Variants in PTPRJ observed in about 807,000 individuals in gnomAD.
The protein encoded by PTPRJ is protein tyrosine phosphatase receptor type J.
PTPRJ carries 129 observed loss-of-function variants against 141.3 expected under a neutral mutation model. The ratio of observed to expected loss-of-function variants is 0.91; its 90% CI spans 0.79 to 1.06. The LOEUF (loss-of-function observed/expected upper bound fraction) is 1.06, where lower values mean the gene tolerates loss of function less well. Among genes scored for constraint, PTPRJ ranks in the 50% least tolerant of loss-of-function variants. The pLI is 0.00. For synonymous variants in PTPRJ, 610 were observed against 640.5 expected (o/e 0.95, Z 0.72); for missense variants, 1,601 against 1,679.7 (o/e 0.95, Z 0.82).
intron 1 of PTPRJ, among the ~76,000 whole-genome samples, chr11:48,013,380 A>G (rs1854861777): frequency 6.6e-6 from 1 of 152,192 alleles, no homozygotes; most frequent in Non-Finnish European, 1.5e-5. Context: ...ATCAGAACCC[A>G]GTTCCTGCAG....
At chr11:48,020,039 C>T (rs1393450738) in intron 1 of PTPRJ, among the ~76,000 whole-genome samples, 1 of 152,190 alleles carries the variant, frequency 6.6e-6, no homozygotes, top group Non-Finnish European at 1.5e-5. Context: ...TCTGAGATCC[C>T]TGTTTCTATG....
Position 48,006,075 on chromosome 11 carries a change from G to C in PTPRJ, c.96+25067G>C, listed in dbSNP as rs193008914. On this transcript the variant is annotated intron_variant, in intron 1 of 24. Coordinates refer to ENST00000418331, the MANE Select transcript of PTPRJ (RefSeq NM_002843.4). ...CCTGGTTGGGCAAGGCTGAGTGGTT[G>C]TGGGATAAGAGGAGATGTTTCAGAG... Among the ~76,000 whole-genome samples the C allele has an allele frequency of 7.9e-4, 121 of 152,336 alleles. No individual in the cohort carries two copies. In the East Asian group the frequency reaches 0.022, roughly 27 times the overall value.
In PTPRJ at chr11:48,004,947, C is replaced by T. The variant is rs1024084251; in HGVS notation, c.96+23939C>T. On this transcript the variant is annotated intron_variant, in intron 1 of 24. Transcript: ENST00000418331. The stretch of plus-strand genomic sequence containing the variant: ...AGAAAGTATACAGTTCAAAGCTGGG[C>T]GCAGTGGCTCATGCCTGTAATCTCA... 5.3e-5 allele frequency among the ~76,000 whole-genome samples: 8 copies of T among 152,130 alleles called. No individual in the cohort carries two copies. The South Asian group carries it at 8.3e-4, about 16-fold the overall frequency.
chr11:48,106,763 C>CTTTTTTTTTTTTTTTTTTTTTTTT (rs35643138), intron 1 of PTPRJ, among the ~76,000 whole-genome samples: 3 of 86,444 alleles, frequency 3.5e-5, no homozygotes, highest in Non-Finnish European at 4.6e-5. Context: ...TTCTTTCTTT[C>CTTTTTTTTTTTTTTTTTTTTTTTT]TTTTTTTTTT....
chr11:47,982,894 T>C (rs1014761993), intron 1 of PTPRJ, among the ~76,000 whole-genome samples: 2 of 151,694 alleles, frequency 1.3e-5, no homozygotes, highest in African/African-American at 2.4e-5. Context: ...GACTCTCTTA[T>C]TTCTTTTTTT....
intron 1 of PTPRJ, among the ~76,000 whole-genome samples, chr11:47,997,854 C>T (rs997642096): frequency 2.4e-5 from 3 of 124,186 alleles, no homozygotes; most frequent in African/African-American, 1.6e-4. Context: ...GTTTAGAGGC[C>T]TCAGGGTGTA....
intron 1 of PTPRJ, among the ~76,000 whole-genome samples, chr11:48,057,937 A>C (rs1394758179): frequency 1.3e-5 from 2 of 151,242 alleles, no homozygotes; most frequent in African/African-American, 4.9e-5. Context: ...TTTGAGACCA[A>C]GTCTTGCTCT....
In PTPRJ at chr11:47,988,879, G is replaced by GTTTTTTTTTTTTTTTTTTTTTTTTT. The variant is rs869194701; in HGVS notation, c.96+7873_96+7897dup. ...TCTGAAAGGTGAAAAATTGTATCTT[G>GTTTTTTTTTTTTTTTTTTTTTTTTT]TTTTTTTTTTTTTTTTTTTTTTTTT... is the stretch of plus-strand genomic sequence containing the variant. On this transcript the variant is annotated intron_variant, in intron 1 of 24. Coordinates refer to ENST00000418331, the MANE Select transcript of PTPRJ (RefSeq NM_002843.4). Among the ~76,000 whole-genome samples, 3 of 76,340 alleles carry GTTTTTTTTTTTTTTTTTTTTTTTTT rather than the reference G, an allele frequency of 3.9e-5. 1 individual carries two copies. Among genetic ancestry groups the GTTTTTTTTTTTTTTTTTTTTTTTTT allele is most frequent in the African/African-American group, 2.1e-4 (3 of 14,600 alleles). The allele number at this position is 76,340 out of a possible 152,430, so 50.1% of individuals were successfully genotyped here.
chr11:48,055,603 C>G (rs1394083325), intron 1 of PTPRJ, among the ~76,000 whole-genome samples: 2 of 152,206 alleles, frequency 1.3e-5, no homozygotes, highest in Non-Finnish European at 2.9e-5. Context: ...TCTCTAGGTT[C>G]CATACTTTAA....
intron 1 of PTPRJ, among the ~76,000 whole-genome samples, chr11:48,008,810 C>T (rs545116194): frequency 6.6e-6 from 1 of 152,174 alleles, no homozygotes; most frequent in South Asian, 2.1e-4. Flanking sequence ...GGTGATCCAC[C>T]CACCTCAGCT....
intron 1 of PTPRJ, among the ~76,000 whole-genome samples, chr11:48,022,467 G>GAA (rs112783037): frequency 5.8e-5 from 8 of 138,168 alleles, no homozygotes; most frequent in African/African-American, 8.0e-5. Flanking sequence ...TCCATCTCAA[G>GAA]AAAAAAAAAA....
At chr11:48,151,721 G>A (rs1257302401) in intron 18 of PTPRJ, among the ~76,000 whole-genome samples, 9 of 151,350 alleles carry the variant, frequency 5.9e-5, no homozygotes, top group African/African-American at 1.9e-4. Flanking sequence ...CCTTGCGATC[G>A]TTTGCTGAGA....
chr11:48,066,641 G>A lies in PTPRJ; in HGVS notation c.97-43417G>A, dbSNP rs187708155. On this transcript the variant is annotated intron_variant, in intron 1 of 24. Transcript: ENST00000418331. ...CGCTGTGTCGCCCAGGCTGGAGTGC[G>A]GTGGTGCCATCTTGGCTCACTGCAA... 3.3e-3 allele frequency among the ~76,000 whole-genome samples: 504 copies of A among 151,090 alleles called. 5 individuals are homozygous for A. Among genetic ancestry groups the A allele is most frequent in the African/African-American group, 0.012 (478 of 41,206 alleles).
In PTPRJ at chr11:48,122,190, G is replaced by A. The variant is rs1856723036; in HGVS notation, c.616+924G>A. Among the ~76,000 whole-genome samples, 4 of 152,264 alleles carry A rather than the reference G, an allele frequency of 2.6e-5. No homozygotes were observed. In the South Asian group the frequency reaches 8.3e-4, roughly 32 times the overall value. On this transcript the variant is annotated intron_variant, in intron 4 of 24. Coordinates refer to ENST00000418331, the MANE Select transcript of PTPRJ (RefSeq NM_002843.4). Reference sequence around the variant, plus strand: ...GCTCCTCAGAGCACTATTTTAGGGGGGAAAACCTGCCATAAAGGTTTGCTC... The same window carrying A: ...GCTCCTCAGAGCACTATTTTAGGGGAGAAAACCTGCCATAAAGGTTTGCTC...
At chr11:48,097,535 A>T (rs189626445) in intron 1 of PTPRJ, among the ~76,000 whole-genome samples, 1 of 152,064 alleles carries the variant, frequency 6.6e-6, no homozygotes, top group East Asian at 1.9e-4. Flanking sequence ...GTTCCACCTG[A>T]AGAAAATTTT....
intron 3 of PTPRJ, among the ~76,000 whole-genome samples, chr11:48,118,873 A>C (rs1415568721): frequency 6.6e-6 from 1 of 152,120 alleles, no homozygotes; most frequent in Admixed American, 6.5e-5. Flanking sequence ...TGGTGACATT[A>C]GCTGGGCATG....
intron 1 of PTPRJ, among the ~76,000 whole-genome samples, chr11:47,984,565 G>GTT (rs397848968): frequency 1.6e-3 from 241 of 146,536 alleles, no homozygotes; most frequent in African/African-American, 5.8e-3. Flanking sequence ...TTATTTGTTT[G>GTT]TTTTTTTTTT....
chr11:48,035,214 A>C lies in PTPRJ; in HGVS notation c.96+54206A>C, dbSNP rs374506248. On this transcript the variant is annotated intron_variant, in intron 1 of 24. Coordinates refer to ENST00000418331, the MANE Select transcript of PTPRJ (RefSeq NM_002843.4). ...TCTCCGGGCCTGACTGTGAGGCCAC[A>C]TGAGCCACCCCAGGGAGGCCAGCAG... Among the ~76,000 whole-genome samples the C allele has an allele frequency of 5.3e-5, 8 of 152,228 alleles. No individual in the cohort carries two copies. The East Asian group carries it at 1.5e-3, about 29-fold the overall frequency.
At chr11:48,073,797 G>T (rs547063053) in intron 1 of PTPRJ, among the ~76,000 whole-genome samples, 1 of 152,036 alleles carries the variant, frequency 6.6e-6, no homozygotes, top group Non-Finnish European at 1.5e-5. Context: ...GTAAACCCAC[G>T]TAGCTGAAAA....
Sources: gnomAD v4.1 joint callset for allele counts (sites outside exome capture counted in the v4.1 genomes callset) on GRCh38, gnomAD v4.1.1 for gene constraint, MANE v1.5 for transcripts, NCBI Gene and HGNC (gene_info 2026-07-23, HGNC 2026-07-21) for gene names.